The following PTOV1 variants were observed in gnomAD, a reference collection of about 807,000 sequenced individuals.
The protein encoded by PTOV1 is PTOV1 extended AT-hook containing adaptor protein, also known as prostate tumor-overexpressed gene 1 protein.
PTOV1 carries 20 observed loss-of-function variants against 58.0 expected under a neutral mutation model. The observed-to-expected ratio is 0.34, with a 90% CI of 0.24 to 0.50. PTOV1 has a LOEUF of 0.50. Among genes scored for constraint, PTOV1 ranks in the 20% least tolerant of loss-of-function variants. The probability of loss-of-function intolerance (pLI) is 0.98; values close to 1 mark genes in which losing one functional copy is unlikely to be tolerated. For missense variants in PTOV1, 593 were observed against 565.4 expected, an observed-to-expected ratio of 1.05 and a Z score of -0.50; for synonymous variants, 335 against 234.2, an observed-to-expected ratio of 1.43 and a Z score of -3.93.
intron 3 of PTOV1, 41 bp downstream of exon 3, chr19:49,854,775 A>T: frequency 6.2e-7 from 1 of 1,613,128 alleles, no homozygotes; most frequent in Non-Finnish European, 8.5e-7. Flanking sequence ...TGGCAGGGGC[A>T]GTGGCTGTGG....
chr19:49,858,149 G>T lies in PTOV1; in HGVS notation c.936+35G>T, dbSNP rs769868353. 9.3e-6 allele frequency: 15 copies of T among 1,606,236 alleles called. No homozygotes were observed. In the Admixed American group the frequency reaches 2.3e-4, roughly 25 times the overall value. On this transcript the variant is annotated intron_variant, in intron 9 of 11. Coordinates refer to ENST00000391842, the Ensembl canonical transcript of PTOV1. ...TGGGGCCGGGTGCTGGAGCCTGCAC[G>T]CAGTAGCTCTTCCAGAGGGCGGGGC...
chr19:49,851,634 G>A (rs942381341), intron 1 of PTOV1, 135 bp downstream of exon 1: 48 of 1,078,524 alleles, frequency 4.5e-5, no homozygotes, highest in Middle Eastern at 3.8e-4. Context: ...CCCGCCCGGG[G>A]CCGGGTTCCC....
At chr19:49,859,464 C>T (rs1013064240) in intron 10 of PTOV1, among the ~76,000 whole-genome samples, 1 of 151,888 alleles carries the variant, frequency 6.6e-6, no homozygotes, top group Non-Finnish European at 1.5e-5. Flanking sequence ...GATGGCCACT[C>T]AGGAGGCTGA....
intron 5 of PTOV1, chr19:49,855,308 C>T (rs575833773): frequency 3.9e-5 from 22 of 557,512 alleles, no homozygotes; most frequent in African/African-American, 1.7e-4. Context: ...TGCCCAGCTT[C>T]GAGGTGGCCC....
chr19:49,858,737 G>A (rs1190365096), intron 10 of PTOV1, 84 bp downstream of exon 10: 3 of 1,166,166 alleles, frequency 2.6e-6, no homozygotes, highest in Non-Finnish European at 3.7e-6. Context: ...CATGGGAGAG[G>A]AACAGAGCAC....
intron 5 of PTOV1, among the ~76,000 whole-genome samples, chr19:49,855,839 T>C (rs963880684): frequency 1.2e-4 from 18 of 152,118 alleles, no homozygotes; most frequent in African/African-American, 3.4e-4. Context: ...TAGTGAGTGC[T>C]GGGTGAACCC....
rs769070734 is a variant in PTOV1 at position 49,854,820 on chromosome 19, C to T, written c.393-11C>T. Reference sequence around the variant, plus strand: ...TCAGGGCAGCCCTTTCTGACCAGCTCCTTCCCATAGGGAGACCGACCAGTG... The same window carrying T: ...TCAGGGCAGCCCTTTCTGACCAGCTTCTTCCCATAGGGAGACCGACCAGTG... On this transcript the variant is annotated splice_polypyrimidine_tract_variant and intron_variant, in intron 3 of 11. Transcript: ENST00000391842. The T allele has an allele frequency of 1.9e-6, 3 of 1,613,238 alleles. No individual in the cohort carries two copies. Among genetic ancestry groups the T allele is most frequent in the African/African-American group, 1.3e-5 (1 of 74,888 alleles).
rs1313900225 is a variant in PTOV1 at position 49,854,392 on chromosome 19, C to T, written c.172-14C>T. 1.2e-6 allele frequency: 2 copies of T among 1,603,590 alleles called. No homozygotes were observed. The highest frequency in any genetic ancestry group is 1.1e-5 in the South Asian group (1 of 90,504). On this transcript the variant is annotated splice_polypyrimidine_tract_variant and intron_variant, in intron 1 of 11. Transcript: ENST00000391842. The stretch of plus-strand genomic sequence containing the variant: ...CGGCCTCAGTTTTCCCACCTATCCC[C>T]CACTCCATTGCAGGAAGGTGCTCGG...
intron 9 of PTOV1, 116 bp from the exon 10 acceptor site, chr19:49,858,433 G>A (rs1243923725): frequency 2.5e-6 from 2 of 808,176 alleles, no homozygotes; most frequent in East Asian, 2.7e-5. Context: ...GTTTCCTGAG[G>A]TAGGGAGGAC....
At position 49,851,366 on chromosome 19, in the gene PTOV1, C is replaced by T. The variant is rs575608015; in HGVS notation, c.38C>T (p.Ala13Val). 87 of 1,123,420 alleles carry T rather than the reference C, an allele frequency of 7.7e-5. No individual in the cohort carries two copies. In the Middle Eastern group the frequency reaches 1.5e-3, roughly 20 times the overall value. 69.6% of individuals were successfully genotyped at this position (1,123,420 alleles called of 1,614,324 possible). ...CGCCGTGCCCCGTACCGCTCCGGCG[C>T]CGGGGGCCCCCTCGGGGGTCGCGGC... The change falls in exon 1 of 12, where the codon GCC (alanine) becomes GTC (valine). Residue 13 changes from alanine to valine, a missense_variant. Transcript: ENST00000391842.
intron 5 of PTOV1, chr19:49,856,764 A>T (rs1013109921): frequency 1.7e-6 from 1 of 583,024 alleles, no homozygotes; most frequent in East Asian, 3.0e-5. Context: ...GCCGGGTGCC[A>T]CTCTGACCTC....
rs1411674780 is a variant in PTOV1 at position 49,851,429 on chromosome 19, C to T, written c.101C>T (p.Ser34Leu). 3 of 1,215,302 alleles carry T rather than the reference C, an allele frequency of 2.5e-6. No homozygotes were observed. Among genetic ancestry groups the T allele is most frequent in the Admixed American group, 4.3e-5 (1 of 23,036 alleles). 75.3% of individuals were successfully genotyped at this position (1,215,302 alleles called of 1,614,324 possible). Residue 34 changes from serine to leucine, a missense_variant, in exon 1 of 12, where the codon TCG becomes TTG. Coordinates refer to ENST00000391842, the Ensembl canonical transcript of PTOV1. ...CCCCTCGTGGTGCGCGCCGTCCGCT[C>T]GCGCTCCTGGCCTGCCAGCCCCCGA...
intron 5 of PTOV1, chr19:49,855,442 A>G: frequency 3.3e-6 from 1 of 301,272 alleles, no homozygotes; most frequent in South Asian, 3.7e-5. Context: ...GCCAGCCAGG[A>G]GGGAGTGGCA....
At chr19:49,858,223 C>T (rs774378155) in intron 9 of PTOV1, 109 bp downstream of exon 9, 122 of 1,368,146 alleles carry the variant, frequency 8.9e-5, no homozygotes, top group African/African-American at 1.3e-4. Context: ...TGTGAGGGAG[C>T]GGAGCTGAGG....
chr19:49,856,430 C>T lies in PTOV1; in HGVS notation c.559-545C>T, dbSNP rs575313640. On this transcript the variant is annotated intron_variant, in intron 5 of 11. Transcript: ENST00000391842. ...GGGTTTTGGGACGGTCACACCACTT[C>T]ATCTAGACACCACAGCCAGGCACAT... 6.9e-5 allele frequency: 11 copies of T among 158,998 alleles called. No homozygotes were observed. In the East Asian group the frequency reaches 1.3e-3, roughly 19 times the overall value. The allele number at this position is 158,998 out of a possible 1,614,324, so 9.8% of individuals were successfully genotyped here. A position where few individuals can be genotyped will look rare whatever the true frequency, so the allele number is the denominator to read the frequency against.
chr19:49,860,494 C>T, exon 12 of PTOV1: 1 of 708,620 alleles, frequency 1.4e-6, no homozygotes, highest in Non-Finnish European at 2.3e-6. Flanking sequence ...TGCAGCCCAG[C>T]CTCAGGGCCA....
chr19:49,856,856 T>G (rs1191637487), intron 5 of PTOV1, 119 bp from the exon 6 acceptor site: 13 of 1,234,310 alleles, frequency 1.1e-5, no homozygotes, highest in East Asian at 4.8e-5. Context: ...GCCTTGACTG[T>G]GGGGGCCTCT....
chr19:49,860,222 C>A, intron 11 of PTOV1, 39 bp downstream of exon 11: 1 of 1,613,794 alleles, frequency 6.2e-7, no homozygotes, highest in Non-Finnish European at 8.5e-7. Flanking sequence ...AGTCTCCCTC[C>A]ACCCCCGCTG....
intron 1 of PTOV1, 141 bp downstream of exon 1, chr19:49,851,640 T>C (rs1056623578): frequency 9.4e-5 from 101 of 1,073,820 alleles, no homozygotes; most frequent in Non-Finnish European, 1.1e-4. Context: ...CGGGGCCGGG[T>C]TCCCCCGTGG....
Sources: gnomAD v4.1 joint callset for allele counts (sites outside exome capture counted in the v4.1 genomes callset) on GRCh38, gnomAD v4.1.1 for gene constraint, MANE v1.5 for transcripts, NCBI Gene and HGNC (gene_info 2026-07-23, HGNC 2026-07-21) for gene names.